The following CMTM8 variants were observed in gnomAD, a reference collection of about 807,000 sequenced individuals.
CMTM8 encodes CKLF-like MARVEL transmembrane domain-containing protein 8.
Under a neutral mutation model 18.6 loss-of-function variants are expected in CMTM8, and 12 were observed. The observed-to-expected ratio is 0.65, with a 90% CI of 0.41 to 1.05. The LOEUF (loss-of-function observed/expected upper bound fraction) is 1.05. Ranked by LOEUF, CMTM8 falls within the 50% of genes least tolerant of loss-of-function variation. The pLI, the probability that CMTM8 is intolerant of heterozygous loss-of-function variation, is 0.00. For synonymous variants in CMTM8, 87 were observed against 90.6 expected, an observed-to-expected ratio of 0.96 and a Z score of 0.23; for missense variants, 217 against 227.2, an observed-to-expected ratio of 0.95 and a Z score of 0.29.
At chr3:32,332,603 A>G (rs2125584674) in intron 1 of CMTM8, among the ~76,000 whole-genome samples, 1 of 152,214 alleles carries the variant, frequency 6.6e-6, no homozygotes, top group Admixed American at 6.5e-5. Context: ...TGATTAGGGA[A>G]GTGCCTTCTA....
At chr3:32,336,872 C>A (rs1268067112) in intron 1 of CMTM8, among the ~76,000 whole-genome samples, 1 of 152,076 alleles carries the variant, frequency 6.6e-6, no homozygotes, top group African/African-American at 2.4e-5. Flanking sequence ...TGATTGAATA[C>A]CTGAGACTGG....
intron 1 of CMTM8, among the ~76,000 whole-genome samples, chr3:32,325,072 T>C (rs1426289126): frequency 1.3e-5 from 2 of 152,212 alleles, no homozygotes; most frequent in Non-Finnish European, 2.9e-5. Flanking sequence ...AGCACCCCTC[T>C]TGCACCTGTT....
intron 1 of CMTM8, among the ~76,000 whole-genome samples, chr3:32,253,652 T>C (rs9758256): frequency 0.87 from 132,178 of 152,112 alleles, 57,534 homozygotes; most frequent in East Asian, 0.99. Flanking sequence ...CATGCCTGGC[T>C]TCTTCATCTT....
In CMTM8 at chr3:32,286,105, G is replaced by A. The variant is rs565884279; in HGVS notation, c.147+46986G>A. Among the ~76,000 whole-genome samples, 52 of 152,314 alleles carry A rather than the reference G, an allele frequency of 3.4e-4. No individual in the cohort carries two copies. In the South Asian group the frequency reaches 0.01, roughly 30 times the overall value. ...AGGCGGCAGACTTTTTCCGTCAAGG[G>A]TCAGATAGTAGTGGCTTGGGCTTTG... On this transcript the variant is annotated intron_variant, in intron 1 of 3. Coordinates refer to ENST00000307526, the MANE Select transcript of CMTM8 (RefSeq NM_178868.5).
At chr3:32,267,707 C>A (rs894887064) in intron 1 of CMTM8, among the ~76,000 whole-genome samples, 3 of 152,098 alleles carry the variant, frequency 2.0e-5, no homozygotes, top group African/African-American at 7.2e-5. Context: ...GCTCACCTAA[C>A]AAAGGGCTAA....
chr3:32,346,514 AGGGCTCTCTCCTTTG>A (rs1416745470), intron 1 of CMTM8, among the ~76,000 whole-genome samples: 1 of 152,212 alleles, frequency 6.6e-6, no homozygotes, highest in African/African-American at 2.4e-5. Flanking sequence ...GTGTCTGGTG[AGGGCTCTCTCCTTTG>A]GTTGCAGACA....
At chr3:32,286,622 G>A (rs764169346) in intron 1 of CMTM8, among the ~76,000 whole-genome samples, 4 of 152,170 alleles carry the variant, frequency 2.6e-5, no homozygotes, top group Admixed American at 1.3e-4. Context: ...ATAGGAAGGC[G>A]TAACACACAT....
chr3:32,289,731 C>T (rs1702747245), intron 1 of CMTM8, among the ~76,000 whole-genome samples: 1 of 152,176 alleles, frequency 6.6e-6, no homozygotes, highest in Admixed American at 6.5e-5. Flanking sequence ...TAGAAGCTTT[C>T]TTTTATAAAA....
intron 1 of CMTM8, among the ~76,000 whole-genome samples, chr3:32,242,853 AAAT>A (rs998249657): frequency 1.3e-5 from 2 of 150,052 alleles, no homozygotes; most frequent in African/African-American, 4.9e-5. Flanking sequence ...TTAGTAAACA[AAAT>A]ACAATTTTTT....
chr3:32,259,067 G>T (rs1192403822), intron 1 of CMTM8: 6 of 371,376 alleles, frequency 1.6e-5, no homozygotes, highest in South Asian at 1.2e-4. Context: ...CGGAGGGCAG[G>T]GGGTGGCTCT....
chr3:32,318,564 ATT>A lies in CMTM8; in HGVS notation c.148-38790_148-38789del, dbSNP rs1215037595. On this transcript the variant is annotated intron_variant, in intron 1 of 3. Coordinates refer to ENST00000307526, the MANE Select transcript of CMTM8 (RefSeq NM_178868.5). ...CACCACTTAGCTTTAGTCATTATTA[ATT>A]TTTTTTTTTTTTTTTTTTGAGACAG... 5.0e-3 allele frequency among the ~76,000 whole-genome samples: 625 copies of A among 125,242 alleles called. 4 individuals are homozygous for A. Among genetic ancestry groups the A allele is most frequent in the African/African-American group, 0.017 (558 of 32,572 alleles). The allele number at this position is 125,242 out of a possible 152,430, so 82.2% of individuals were successfully genotyped here.
At chr3:32,292,209 A>G (rs1702791288) in intron 1 of CMTM8, among the ~76,000 whole-genome samples, 1 of 152,202 alleles carries the variant, frequency 6.6e-6, no homozygotes, top group Admixed American at 6.5e-5. Context: ...CCCACATTCA[A>G]TCCACGCCAC....
At chr3:32,327,499 G>A (rs560285904) in intron 1 of CMTM8, among the ~76,000 whole-genome samples, 1 of 152,282 alleles carries the variant, frequency 6.6e-6, no homozygotes, top group South Asian at 2.1e-4. Flanking sequence ...TACTTTGATT[G>A]CCTGAAGGTT....
At chr3:32,257,681 G>A (rs2125535269) in intron 1 of CMTM8, among the ~76,000 whole-genome samples, 1 of 152,114 alleles carries the variant, frequency 6.6e-6, no homozygotes, top group South Asian at 2.1e-4. Context: ...AGGATCTTGA[G>A]TGTATTTTCT....
intron 1 of CMTM8, among the ~76,000 whole-genome samples, chr3:32,287,360 A>G (rs985958337): frequency 5.3e-5 from 8 of 152,204 alleles, no homozygotes. Flanking sequence ...TTGTTTTCCA[A>G]GTTTTACCTA....
chr3:32,341,972 G>C (rs371871559), intron 1 of CMTM8, among the ~76,000 whole-genome samples: 1 of 151,958 alleles, frequency 6.6e-6, no homozygotes, highest in African/African-American at 2.4e-5. Flanking sequence ...TTAAGGCTGG[G>C]CATGGTGGCT....
intron 1 of CMTM8, among the ~76,000 whole-genome samples, chr3:32,288,603 C>T (rs777059828): frequency 6.6e-6 from 1 of 151,976 alleles, no homozygotes; most frequent in Non-Finnish European, 1.5e-5. Context: ...CTGGTTCAAA[C>T]AACTCCCCTG....
At chr3:32,254,655 A>G (rs979724502) in intron 1 of CMTM8, among the ~76,000 whole-genome samples, 2 of 152,174 alleles carry the variant, frequency 1.3e-5, no homozygotes, top group African/African-American at 4.8e-5. Flanking sequence ...CATTCAAAAG[A>G]CAATACTTTC....
chr3:32,302,851 A>C (rs1307218582), intron 1 of CMTM8, among the ~76,000 whole-genome samples: 2 of 152,238 alleles, frequency 1.3e-5, no homozygotes, highest in African/African-American at 4.8e-5. Context: ...GGATCTTTTA[A>C]GACCCATGGC....
Sources: gnomAD v4.1 joint callset for allele counts (sites outside exome capture counted in the v4.1 genomes callset) on GRCh38, gnomAD v4.1.1 for gene constraint, MANE v1.5 for transcripts, NCBI Gene and HGNC (gene_info 2026-07-23, HGNC 2026-07-21) for gene names.